PER2: variants seen among roughly 807,000 people sequenced by gnomAD.
PER2 encodes the protein period circadian regulator 2, also known as period circadian protein homolog 2.
In PER2, 66 loss-of-function variants were observed where a neutral mutation model predicts 121.0. The ratio of observed to expected loss-of-function variants is 0.55; its 90% CI spans 0.45 to 0.67. PER2 has a LOEUF of 0.67. Among genes scored for constraint, PER2 ranks in the 30% least tolerant of loss-of-function variants. The pLI, the probability that PER2 is intolerant of heterozygous loss-of-function variation, is 0.00. For missense variants in PER2, 1,521 were observed against 1,635.0 expected (o/e 0.93, Z 1.20); for synonymous variants, 684 against 659.9 (o/e 1.04, Z -0.56).
At position 238,253,831 on chromosome 2, in the gene PER2, T is replaced by C. The variant is rs1291047434; in HGVS notation, c.2321-129A>G. 1 of 709,810 alleles carries C rather than the reference T, an allele frequency of 1.4e-6. No individual in the cohort carries two copies. The highest frequency in any genetic ancestry group is 2.5e-6 in the Non-Finnish European group (1 of 406,008). 44.0% of individuals were successfully genotyped at this position (709,810 alleles called of 1,614,324 possible). On this transcript the variant is annotated intron_variant, in intron 18 of 22. Coordinates refer to ENST00000254657, the MANE Select transcript of PER2 (RefSeq NM_022817.3). The surrounding 1 kb of genome is among the most constrained non-coding windows in gnomAD (Gnocchi z 5.6). ...GCCTGGTCCACCGAGCGGTTTTCCCTGATCCTCAGTGAAGTGAGAAAAATC... is the reference window on the plus strand; with the variant it reads ...GCCTGGTCCACCGAGCGGTTTTCCCCGATCCTCAGTGAAGTGAGAAAAATC...
chr2:238,251,817 A>T, intron 19 of PER2, 56 bp from the exon 20 acceptor site: 1 of 268,076 alleles, frequency 3.7e-6, no homozygotes, highest in Non-Finnish European at 7.8e-6. Context: ...GACACAGCAT[A>T]TGCAGCGGGG....
chr2:238,298,031 C>CT, the PER2 span, among the ~76,000 whole-genome samples: 50,513 of 128,262 alleles, frequency 0.39, 10,551 homozygotes, highest in East Asian at 0.53. Context: ...AGCTTTTGTT[C>CT]TTTTTTTTTT....
At chr2:238,264,409 C>T (rs1331803868) in intron 9 of PER2, among the ~76,000 whole-genome samples, 1 of 152,182 alleles carries the variant, frequency 6.6e-6, no homozygotes, top group Non-Finnish European at 1.5e-5. Flanking sequence ...CCTTTTTACC[C>T]ATAGAGCCTC....
chr2:238,266,198 C>T (rs1029442506), intron 8 of PER2, among the ~76,000 whole-genome samples: 8 of 152,196 alleles, frequency 5.3e-5, no homozygotes, highest in South Asian at 2.1e-4. Flanking sequence ...CCACTGCGCC[C>T]GGCCCCATCT....
rs1436433829 is a variant in PER2 at position 238,245,880 on chromosome 2, C to T, written c.*495G>A. The T allele has an allele frequency of 2.6e-6, 1 of 379,588 alleles. No homozygotes were observed. Among genetic ancestry groups the T allele is most frequent in the Non-Finnish European group, 4.7e-6 (1 of 214,994 alleles). The allele number at this position is 379,588 out of a possible 1,614,324, so 23.5% of individuals were successfully genotyped here. On this transcript the variant is annotated 3_prime_UTR_variant, in exon 23 of 23. Transcript: ENST00000254657. ...ATAAAACTAGGAGAGGCTGCTATCTCCATTTGGTATGTATAAAAAAACACT... is the reference window on the plus strand; with the variant it reads ...ATAAAACTAGGAGAGGCTGCTATCTTCATTTGGTATGTATAAAAAAACACT...
chr2:238,250,461 G>GC, intron 21 of PER2, 90 bp downstream of exon 21: 1 of 897,398 alleles, frequency 1.1e-6, no homozygotes, highest in African/African-American at 1.6e-5. Context: ...GGGGCGTCCC[G>GC]CCCCATCTGA....
rs1004746560 is a variant in PER2, at chr2:238,262,343, G to A, written c.1155C>T (p.Ile385=). ...RPLMLAIHKK[I]LQSGGQPFDY... is the part of the protein sequence containing the mutation. ...CGAAAGGCTGCCCGCCTGACTGCAG[G>A]ACTAGGAGAGCAAAAGCCAGCATTC... The change falls in exon 11 of 23, where the codon ATC becomes ATT. Residue 385 remains isoleucine (I), a splice_region_variant and synonymous_variant. Transcript: ENST00000254657. The A allele has an allele frequency of 1.9e-6, 3 of 1,613,978 alleles. No individual in the cohort carries two copies. Among genetic ancestry groups the A allele is most frequent in the East Asian group, 2.2e-5 (1 of 44,860 alleles).
In PER2 at chr2:238,249,173, C is replaced by T; in HGVS notation, c.3507G>A (p.Leu1169=). 2 of 1,614,060 alleles carry T rather than the reference C, an allele frequency of 1.2e-6. No individual in the cohort carries two copies. Among genetic ancestry groups the T allele is most frequent in the Non-Finnish European group, 1.7e-6 (2 of 1,179,878 alleles). ...TGGGCTGGAGTTTCTGTAGGAGCTTCAGCTTCTCTCTGTCCTCCTTCAAAA... is the reference window on the plus strand; with the variant it reads ...TGGGCTGGAGTTTCTGTAGGAGCTTTAGCTTCTCTCTGTCCTCCTTCAAAA... ...EAVLKEDREK[L]KLLQKLQPRF... Residue 1169 remains leucine (L), a synonymous_variant, in exon 22 of 23, where the codon CTG becomes CTA. Transcript: ENST00000254657.
intron 4 of PER2, among the ~76,000 whole-genome samples, chr2:238,275,371 G>A (rs1305104900): frequency 6.6e-6 from 1 of 152,160 alleles, no homozygotes; most frequent in Non-Finnish European, 1.5e-5. Context: ...TCAAAGTTCT[G>A]GAGGTGGTAG....
the PER2 span, among the ~76,000 whole-genome samples, chr2:238,297,318 AGAG>A: frequency 6.6e-6 from 1 of 152,236 alleles, no homozygotes; most frequent in South Asian, 2.1e-4. Context: ...GAAGCTATCA[AGAG>A]GAGGAGCACA....
intron 1 of PER2, among the ~76,000 whole-genome samples, chr2:238,287,215 C>T (rs1469138452): frequency 6.6e-6 from 1 of 152,250 alleles, no homozygotes; most frequent in East Asian, 1.9e-4. Context: ...TGACAGATAA[C>T]TGCAAACACC....
At chr2:238,291,976 AC>A (rs1696958170), upstream of PER2, among the ~76,000 whole-genome samples, 1 of 152,248 alleles carries the variant, frequency 6.6e-6, no homozygotes, top group African/African-American at 2.4e-5. Context: ...AGCCTGGGCA[AC>A]ATAGTGAGAC....
upstream of PER2, among the ~76,000 whole-genome samples, chr2:238,290,931 C>A (rs75662135): frequency 1.1e-4 from 16 of 152,310 alleles, no homozygotes; most frequent in Non-Finnish European, 2.4e-4. Flanking sequence ...ACAATCAGGC[C>A]AAGTGCATGG....
At position 238,253,577 on chromosome 2, in the gene PER2, G is replaced by GC. The variant is rs1310609838; in HGVS notation, c.2445dup (p.Pro816AlafsTer133). 6.2e-7 allele frequency: 1 copy of GC among 1,609,944 alleles called. No individual in the cohort carries two copies. Among genetic ancestry groups the GC allele is most frequent in the Non-Finnish European group, 8.5e-7 (1 of 1,178,204 alleles). ...ACCAGCGGGGGCCGGGCGGACACGG[G>GC]CCCCCCAGATCCGGTGCTCTCAGAT... On this transcript the variant is annotated frameshift_variant, in exon 19 of 23. Transcript: ENST00000254657. LOFTEE classifies it high-confidence loss of function. The surrounding 1 kb of genome is among the most constrained non-coding windows in gnomAD (Gnocchi z 5.6).
chr2:238,294,475 A>G (rs1697011152), upstream of PER2, among the ~76,000 whole-genome samples: 1 of 152,186 alleles, frequency 6.6e-6, no homozygotes, highest in South Asian at 2.1e-4. Context: ...ATACTTGAGT[A>G]TGGCTGTCGG....
chr2:238,277,792 T>C lies in PER2; in HGVS notation c.145A>G (p.Thr49Ala). 6.2e-7 allele frequency: 1 copy of C among 1,614,222 alleles called. No individual in the cohort carries two copies. Among genetic ancestry groups the C allele is most frequent in the Non-Finnish European group, 8.5e-7 (1 of 1,180,036 alleles). The change falls in exon 2 of 23, where the codon ACG (threonine) becomes GCG (alanine). Residue 49 changes from threonine to alanine, a missense_variant. Physicochemically the swap from Thr to Ala is moderately conservative, Grantham distance 58. Transcript: ENST00000254657. ...TCACTGCCCTGCGAGTCCCGCCCCG[T>C]GGAGCAGTTTTCGTTGGTCTCATGT... ...SGHETNENCS[T>A]GRDSQGSDCD... is the part of the protein sequence containing the mutation.
At chr2:238,277,998 C>G in intron 1 of PER2, 43 bp from the exon 2 acceptor site, 1 of 1,585,478 alleles carries the variant, frequency 6.3e-7, no homozygotes, top group South Asian at 1.1e-5. Context: ...CAAGCACACG[C>G]ACAAGGGGCG....
intron 1 of PER2, among the ~76,000 whole-genome samples, chr2:238,282,435 A>G (rs1367814760): frequency 6.6e-6 from 1 of 152,204 alleles, no homozygotes; most frequent in Admixed American, 6.5e-5. Flanking sequence ...GCGTTGGTCA[A>G]TGCTGGATCC....
the PER2 span, among the ~76,000 whole-genome samples, chr2:238,295,164 A>G: frequency 1.3e-5 from 2 of 152,106 alleles, no homozygotes; most frequent in African/African-American, 4.8e-5. Flanking sequence ...GAAAAACATC[A>G]CTTGTCCCTA....
Sources: gnomAD v4.1 joint callset for allele counts (sites outside exome capture counted in the v4.1 genomes callset) on GRCh38, gnomAD v4.1.1 for gene constraint, Gnocchi (gnomAD v3.1) non-coding constraint, MANE v1.5 for transcripts, NCBI Gene and HGNC (gene_info 2026-07-23, HGNC 2026-07-21) for gene names.